Variants in FOXN3 observed in about 807,000 individuals in gnomAD.
The protein encoded by FOXN3 is forkhead box N3.
Under a neutral mutation model 38.4 loss-of-function variants are expected in FOXN3, and 7 were observed. That is an observed-to-expected ratio of 0.18 (90% confidence interval 0.10 to 0.34). The LOEUF (loss-of-function observed/expected upper bound fraction) is 0.34, where lower values mean the gene tolerates loss of function less well. Ranked by LOEUF, FOXN3 falls within the 10% of genes least tolerant of loss-of-function variation. The probability of loss-of-function intolerance (pLI) is 1.00; values close to 1 mark genes in which losing one functional copy is unlikely to be tolerated. For missense variants in FOXN3, 456 were observed against 613.4 expected (o/e 0.74, Z 2.71); for synonymous variants, 230 against 242.2 (o/e 0.95, Z 0.47).
intron 1 of FOXN3, among the ~76,000 whole-genome samples, chr14:89,481,891 G>A (rs554522289): frequency 5.9e-5 from 9 of 152,170 alleles, no homozygotes; most frequent in Non-Finnish European, 1.2e-4. Context: ...ATATTTCTGG[G>A]TGTGAAAGGG....
At chr14:89,232,468 A>G (rs2139855909) in intron 4 of FOXN3, among the ~76,000 whole-genome samples, 1 of 152,284 alleles carries the variant, frequency 6.6e-6, no homozygotes, top group African/African-American at 2.4e-5. Flanking sequence ...AAAAAACAGG[A>G]CCCTTAATTA....
intron 2 of FOXN3, among the ~76,000 whole-genome samples, chr14:89,385,972 G>A (rs942276774): frequency 6.6e-6 from 1 of 152,246 alleles, no homozygotes; most frequent in Non-Finnish European, 1.5e-5. Flanking sequence ...TCTACTCACT[G>A]AGAGAATAAA....
chr14:89,248,451 T>TC (rs201145573), intron 4 of FOXN3, among the ~76,000 whole-genome samples: 3,870 of 152,374 alleles, frequency 0.025, 49 homozygotes, highest in Middle Eastern at 0.031. Context: ...CTGTCTACTC[T>TC]CTTCCCTAGG....
chr14:89,486,454 C>G (rs992631050), intron 1 of FOXN3: 1 of 152,070 alleles, frequency 6.6e-6, no homozygotes, highest in Non-Finnish European at 1.5e-5. Flanking sequence ...GGGAGGATAC[C>G]AGTTGATGGA....
rs573877003 is a variant in FOXN3, at chr14:89,157,114, G to A, written c.*5300C>T. ...GTATATATTCCAAATAAATAGTCTC[G>A]ATTTCAATGCTAACAAAACAACAGG... On this transcript the variant is annotated 3_prime_UTR_variant, in exon 6 of 6. Transcript: ENST00000557258. The A allele has an allele frequency of 2.6e-5, 4 of 152,680 alleles. No individual in the cohort carries two copies. The highest frequency in any genetic ancestry group is 2.1e-4 in the South Asian group (1 of 4,820). The allele number at this position is 152,680 out of a possible 1,614,324, so 9.5% of individuals were successfully genotyped here. A position where few individuals can be genotyped will look rare whatever the true frequency, so the allele number is the denominator to read the frequency against.
At chr14:89,522,785 C>A (rs1566685551) in intron 1 of FOXN3, among the ~76,000 whole-genome samples, 1 of 150,502 alleles carries the variant, frequency 6.6e-6, no homozygotes. Flanking sequence ...AATACTCAAT[C>A]CAAAAGGAGG....
intron 1 of FOXN3, among the ~76,000 whole-genome samples, chr14:89,477,960 C>T (rs1893245527): frequency 6.6e-6 from 1 of 152,120 alleles, no homozygotes; most frequent in Non-Finnish European, 1.5e-5. Context: ...AGAGCTTCCA[C>T]AAGGCCTTCA....
At chr14:89,532,333 A>G (rs1596309468) in intron 1 of FOXN3, among the ~76,000 whole-genome samples, 1 of 152,216 alleles carries the variant, frequency 6.6e-6, no homozygotes, top group South Asian at 2.1e-4. Flanking sequence ...CATCAGTTCT[A>G]ATGTTTTTAA....
At chr14:89,261,559 T>C (rs1885801785) in intron 4 of FOXN3, among the ~76,000 whole-genome samples, 1 of 152,126 alleles carries the variant, frequency 6.6e-6, no homozygotes, top group Non-Finnish European at 1.5e-5. Flanking sequence ...TTTGGGAGGC[T>C]GAGGTGGGTG....
At chr14:89,317,835 C>G (rs1249231211) in intron 3 of FOXN3, among the ~76,000 whole-genome samples, 1 of 151,488 alleles carries the variant, frequency 6.6e-6, no homozygotes, top group African/African-American at 2.4e-5. Context: ...TCGCCTCCCT[C>G]CTGTCCCATC....
At chr14:89,324,052 T>C (rs17125678) in intron 3 of FOXN3, among the ~76,000 whole-genome samples, 3,787 of 152,270 alleles carry the variant, frequency 0.025, 146 homozygotes, top group African/African-American at 0.086. Flanking sequence ...AGACATCATA[T>C]AGACAACATC....
intron 1 of FOXN3, among the ~76,000 whole-genome samples, chr14:89,530,868 C>T (rs1485065374): frequency 6.6e-6 from 1 of 150,418 alleles, no homozygotes; most frequent in African/African-American, 2.4e-5. Context: ...CCTCAACCTC[C>T]CAAAGTGCTG....
At chr14:89,505,934 A>G (rs1400316218) in intron 1 of FOXN3, among the ~76,000 whole-genome samples, 2 of 133,550 alleles carry the variant, frequency 1.5e-5, no homozygotes, top group South Asian at 2.4e-4. Context: ...GCCCCGTCTG[A>G]GAAGTGAGGA....
chr14:89,387,756 G>A (rs926462833), intron 2 of FOXN3, among the ~76,000 whole-genome samples: 1 of 152,216 alleles, frequency 6.6e-6, no homozygotes, highest in African/African-American at 2.4e-5. Context: ...GGGGTATACA[G>A]AAAGAAGAGG....
At chr14:89,239,168 G>A (rs1007946146) in intron 4 of FOXN3, among the ~76,000 whole-genome samples, 2 of 152,146 alleles carry the variant, frequency 1.3e-5, no homozygotes, top group Admixed American at 6.5e-5. Flanking sequence ...TCAAGCCAGC[G>A]GAACCACAAG....
chr14:89,552,273 A>G (rs547896319), intron 1 of FOXN3, among the ~76,000 whole-genome samples: 10 of 152,318 alleles, frequency 6.6e-5, no homozygotes, highest in African/African-American at 2.4e-4. Context: ...GGGCCAGAAA[A>G]ATTCTGTGAA....
At chr14:89,516,228 T>C (rs1296535291) in intron 1 of FOXN3, among the ~76,000 whole-genome samples, 19 of 152,188 alleles carry the variant, frequency 1.2e-4, no homozygotes, top group Admixed American at 1.2e-3. Context: ...GATAAATGCT[T>C]CAGGGACTTT....
chr14:89,294,666 C>A (rs577297498), intron 3 of FOXN3, among the ~76,000 whole-genome samples: 1 of 152,136 alleles, frequency 6.6e-6, no homozygotes, highest in Non-Finnish European at 1.5e-5. Flanking sequence ...ATGAGAGTGA[C>A]CTCTGGTGGT....
chr14:89,517,557 G>A (rs936880059), intron 1 of FOXN3, among the ~76,000 whole-genome samples: 1 of 152,018 alleles, frequency 6.6e-6, no homozygotes, highest in Non-Finnish European at 1.5e-5. Flanking sequence ...CAGATCTCAC[G>A]AGCACTTACT....
Sources: allele counts gnomAD v4.1 joint callset (sites outside exome capture counted in the v4.1 genomes callset), GRCh38; gene constraint gnomAD v4.1.1; transcripts MANE v1.5; gene names NCBI Gene and HGNC (gene_info 2026-07-23, HGNC 2026-07-21).